PEPD: variants seen among roughly 807,000 people sequenced by gnomAD.
The protein encoded by PEPD is xaa-Pro dipeptidase.
In PEPD, 53 loss-of-function variants were observed where a neutral mutation model predicts 60.7. The ratio of observed to expected loss-of-function variants is 0.87; its 90% CI spans 0.70 to 1.10. The LOEUF is 1.10. Among genes scored for constraint, PEPD ranks in the 50% least tolerant of loss-of-function variants. The pLI, the probability that PEPD is intolerant of heterozygous loss-of-function variation, is 0.00. For missense variants in PEPD, 711 were observed against 711.9 expected (o/e 1.00, Z 0.01); for synonymous variants, 267 against 284.1 (o/e 0.94, Z 0.60).
At chr19:33,388,338 C>A in intron 13 of PEPD, 1 of 648,794 alleles carries the variant, frequency 1.5e-6, no homozygotes, top group South Asian at 1.6e-5. Context: ...TGTGGCCACC[C>A]ATGTGCACAC....
chr19:33,396,321 C>T (rs986310816), intron 12 of PEPD, among the ~76,000 whole-genome samples: 1 of 152,014 alleles, frequency 6.6e-6, no homozygotes, highest in African/African-American at 2.4e-5. Flanking sequence ...GGCAGAGGTG[C>T]CCCCTGACCA....
rs138529512 is a variant in PEPD at position 33,388,310 on chromosome 19, GGCTT to G, written c.1153-233_1153-230del. Reference sequence around the variant, plus strand: ...AGTGTCCCTGGCCACACTACCCTAGGGCTTGCTTGAGAAGCCCTGTGGCCACCCA... The same window carrying G: ...AGTGTCCCTGGCCACACTACCCTAGGGCTTGAGAAGCCCTGTGGCCACCCA... On this transcript the variant is annotated intron_variant, in intron 13 of 14. Transcript: ENST00000244137. 3.3e-3 allele frequency: 2,254 copies of G among 675,040 alleles called. 6 individuals are homozygous for G. The highest frequency in any genetic ancestry group is 5.1e-3 in the Non-Finnish European group (1,845 of 364,726). 41.8% of individuals were successfully genotyped at this position (675,040 alleles called of 1,614,324 possible).
chr19:33,463,711 T>C (rs1012643513), intron 8 of PEPD, among the ~76,000 whole-genome samples: 1 of 152,224 alleles, frequency 6.6e-6, no homozygotes, highest in Non-Finnish European at 1.5e-5. Flanking sequence ...CCTCCCAGAA[T>C]TGGGACTTTT....
intron 3 of PEPD, among the ~76,000 whole-genome samples, chr19:33,505,910 A>C (rs1231540747): frequency 5.1e-5 from 7 of 138,572 alleles, no homozygotes; most frequent in African/African-American, 8.2e-5. Context: ...ACCCACACAT[A>C]CCCTCATCAC....
intron 3 of PEPD, among the ~76,000 whole-genome samples, chr19:33,509,840 C>T (rs996859163): frequency 1.3e-5 from 2 of 152,228 alleles, no homozygotes; most frequent in East Asian, 1.9e-4. Context: ...AACAGCTCCT[C>T]GGCGGTGGGG....
intron 9 of PEPD, among the ~76,000 whole-genome samples, chr19:33,441,990 C>T (rs563175717): frequency 9.3e-4 from 141 of 152,342 alleles, no homozygotes; most frequent in African/African-American, 3.3e-3. Flanking sequence ...AAAAGTGGAG[C>T]ACAGGCCCTG....
At chr19:33,453,317 A>AAAAATAAAT (rs1555762504) in intron 9 of PEPD, among the ~76,000 whole-genome samples, 1 of 148,656 alleles carries the variant, frequency 6.7e-6, no homozygotes, top group Non-Finnish European at 1.5e-5. Flanking sequence ...CTGTCATAAA[A>AAAAATAAAT]AAATAAATAA....
chr19:33,479,152 T>G (rs1970271660), intron 6 of PEPD, among the ~76,000 whole-genome samples: 1 of 152,086 alleles, frequency 6.6e-6, no homozygotes, highest in Non-Finnish European at 1.5e-5. Context: ...TTTTCAAGTT[T>G]AAGTAGTCAA....
At chr19:33,404,706 T>A (rs148373001) in intron 11 of PEPD, among the ~76,000 whole-genome samples, 1 of 152,294 alleles carries the variant, frequency 6.6e-6, no homozygotes, top group East Asian at 1.9e-4. Flanking sequence ...ATCTGCTTTC[T>A]GGAGGGGGAA....
intron 9 of PEPD, among the ~76,000 whole-genome samples, chr19:33,453,087 C>A (rs1047797299): frequency 4.0e-5 from 6 of 151,846 alleles, no homozygotes; most frequent in African/African-American, 1.5e-4. Flanking sequence ...TTCGGGAGGC[C>A]GTGGCAGGAG....
intron 6 of PEPD, among the ~76,000 whole-genome samples, chr19:33,488,302 T>C (rs750438657): frequency 3.9e-5 from 6 of 152,094 alleles, no homozygotes; most frequent in Non-Finnish European, 7.4e-5. Flanking sequence ...CAGGTGAGCA[T>C]GATCTCCTCC....
chr19:33,506,210 CCTACACA>C, intron 3 of PEPD, among the ~76,000 whole-genome samples: 1 of 147,494 alleles, frequency 6.8e-6, no homozygotes, highest in East Asian at 2.1e-4. Flanking sequence ...TCACAAACAC[CCTACACA>C]CTACACACAC....
rs369236384 is a variant in PEPD at position 33,387,324 on chromosome 19, G to T, written c.*20C>A. On this transcript the variant is annotated 3_prime_UTR_variant, in exon 15 of 15. Transcript: ENST00000244137. ...GTTGCAAGGCCAGGCCCCCAGGTGC[G>T]CTGGGATTTCTGGCTGGCTCTACTT... 3 of 1,613,468 alleles carry T rather than the reference G, an allele frequency of 1.9e-6. No individual in the cohort carries two copies. Among genetic ancestry groups the T allele is most frequent in the Non-Finnish European group, 1.7e-6 (2 of 1,179,878 alleles).
chr19:33,497,000 T>C (rs1254875166), intron 4 of PEPD, among the ~76,000 whole-genome samples: 1 of 152,292 alleles, frequency 6.6e-6, no homozygotes, highest in Non-Finnish European at 1.5e-5. Flanking sequence ...CTGCAATCAC[T>C]GAAGCTTTTG....
At chr19:33,414,266 C>G (rs2145368439) in intron 9 of PEPD, among the ~76,000 whole-genome samples, 1 of 152,300 alleles carries the variant, frequency 6.6e-6, no homozygotes, top group East Asian at 1.9e-4. Flanking sequence ...CTGGCTGGGC[C>G]CACTCTACAA....
intron 4 of PEPD, among the ~76,000 whole-genome samples, chr19:33,495,756 C>T (rs3859531): frequency 1.3e-5 from 2 of 151,746 alleles, no homozygotes; most frequent in African/African-American, 2.4e-5. Context: ...AAGGCTGAGG[C>T]GGGTGGATCA....
chr19:33,438,238 C>CA (rs1969418110), intron 9 of PEPD, among the ~76,000 whole-genome samples: 1 of 152,190 alleles, frequency 6.6e-6, no homozygotes, highest in Non-Finnish European at 1.5e-5. Flanking sequence ...TTGCTGGGCC[C>CA]AGAACGACTC....
chr19:33,392,605 C>T (rs1968251610), intron 12 of PEPD, among the ~76,000 whole-genome samples: 1 of 152,220 alleles, frequency 6.6e-6, no homozygotes. Context: ...CAGCAAGTCC[C>T]TGCGGCACCT....
intron 7 of PEPD, among the ~76,000 whole-genome samples, chr19:33,464,827 A>C (rs1969991734): frequency 6.6e-6 from 1 of 152,128 alleles, no homozygotes; most frequent in African/African-American, 2.4e-5. Flanking sequence ...GGTTGCAATC[A>C]ATCTCACCCG....
Sources: allele counts gnomAD v4.1 joint callset (sites outside exome capture counted in the v4.1 genomes callset), GRCh38; gene constraint gnomAD v4.1.1; transcripts MANE v1.5; gene names NCBI Gene and HGNC (gene_info 2026-07-23, HGNC 2026-07-21).